The following ATF6 variants were observed in gnomAD, a reference collection of about 807,000 sequenced individuals.
ATF6 encodes cyclic AMP-dependent transcription factor ATF-6 alpha.
In ATF6, 53 loss-of-function variants were observed where a neutral mutation model predicts 83.6. The observed-to-expected ratio is 0.63, with a 90% CI of 0.51 to 0.80. ATF6 has a LOEUF of 0.80. Among genes scored for constraint, ATF6 ranks in the 30% least tolerant of loss-of-function variants. The probability of loss-of-function intolerance (pLI) is 0.00; values close to 1 mark genes in which losing one functional copy is unlikely to be tolerated. For missense variants in ATF6, 744 were observed against 797.9 expected, an observed-to-expected ratio of 0.93 and a Z score of 0.81; for synonymous variants, 288 against 285.8, an observed-to-expected ratio of 1.01 and a Z score of -0.08.
In ATF6 at chr1:161,792,322, C is replaced by T; in HGVS notation, c.683C>T (p.Thr228Ile). ...QPIISLQPAP[T>I]KGQTVLLSQP... is the part of the protein sequence containing the mutation. Reference sequence around the variant, plus strand: ...ATTATCAGTTTACAACCTGCACCCACTAAAGGTACCTGAGCAGAATTTAAG... The same window carrying T: ...ATTATCAGTTTACAACCTGCACCCATTAAAGGTACCTGAGCAGAATTTAAG... Residue 228 changes from threonine to isoleucine, a missense_variant, in exon 6 of 16, where the codon ACT becomes ATT. By Grantham distance (89) the Thr-to-Ile change is moderately conservative. Transcript: ENST00000367942. 6.2e-7 allele frequency: 1 copy of T among 1,613,338 alleles called. No homozygotes were observed. Among genetic ancestry groups the T allele is most frequent in the Non-Finnish European group, 8.5e-7 (1 of 1,179,754 alleles).
At chr1:161,870,213 T>C (rs1163544486) in intron 14 of ATF6, among the ~76,000 whole-genome samples, 1 of 151,826 alleles carries the variant, frequency 6.6e-6, no homozygotes, top group African/African-American at 2.4e-5. Flanking sequence ...TACCTGATTA[T>C]GTTTGTTTGT....
chr1:161,904,896 G>A (rs994041506), intron 14 of ATF6, among the ~76,000 whole-genome samples: 1 of 152,184 alleles, frequency 6.6e-6, no homozygotes, highest in African/African-American at 2.4e-5. Flanking sequence ...TTTGTTCACT[G>A]ATGTACATAA....
At chr1:161,830,184 A>C (rs1446286442) in intron 9 of ATF6, among the ~76,000 whole-genome samples, 3 of 152,220 alleles carry the variant, frequency 2.0e-5, no homozygotes, top group Non-Finnish European at 4.4e-5. Context: ...ATCATGAGTG[A>C]ACTCCCATTC....
At chr1:161,930,425 A>C (rs567999381) in intron 15 of ATF6, among the ~76,000 whole-genome samples, 1 of 152,204 alleles carries the variant, frequency 6.6e-6, no homozygotes, top group African/African-American at 2.4e-5. Context: ...TTAAGCTACA[A>C]TATATTTTAA....
In ATF6 at chr1:161,802,242, A is replaced by G. The variant is rs773297045; in HGVS notation, c.879A>G (p.Leu293=). 1.2e-6 allele frequency: 2 copies of G among 1,614,054 alleles called. No homozygotes were observed. The highest frequency in any genetic ancestry group is 1.7e-6 in the Non-Finnish European group (2 of 1,179,960). The change falls in exon 7 of 16, where the codon CTA becomes CTG. Residue 293 remains leucine (L), a synonymous_variant. Transcript: ENST00000367942. ...AACTTTCCGTGACTAAACCTGTCCTACAAAGTACCATGAGAAATGTCGGTT... is the reference window on the plus strand; with the variant it reads ...AACTTTCCGTGACTAAACCTGTCCTGCAAAGTACCATGAGAAATGTCGGTT... ...NGKLSVTKPV[L]QSTMRNVGSD...
At chr1:161,910,834 A>T (rs1309651413) in intron 14 of ATF6, among the ~76,000 whole-genome samples, 1 of 152,170 alleles carries the variant, frequency 6.6e-6, no homozygotes, top group African/African-American at 2.4e-5. Context: ...AAAAAACAAA[A>T]CAAAAAATTC....
At chr1:161,816,955 T>A (rs1685627937) in intron 7 of ATF6, among the ~76,000 whole-genome samples, 1 of 152,248 alleles carries the variant, frequency 6.6e-6, no homozygotes, top group African/African-American at 2.4e-5. Flanking sequence ...AGCCCTGTGT[T>A]TGGTGATAGC....
At chr1:161,821,006 T>C in intron 8 of ATF6, 64 bp from the exon 9 acceptor site, 1 of 1,161,896 alleles carries the variant, frequency 8.6e-7, no homozygotes, top group Non-Finnish European at 1.2e-6. Flanking sequence ...ATTCTAATCT[T>C]AAGCGTTGCT....
Position 161,814,103 on chromosome 1 carries a change from C to T in ATF6, c.910-5530C>T, listed in dbSNP as rs140786599. Among the ~76,000 whole-genome samples, 354 of 152,228 alleles carry T rather than the reference C, an allele frequency of 2.3e-3. 3 individuals carry two copies. Among genetic ancestry groups the T allele is most frequent in the African/African-American group, 8.3e-3 (346 of 41,544 alleles). ...GTTTTTTCCATGTTGAGGCTGGTCTCGAACTCCTGACCTCAGGTGATCCGC... is the reference window on the plus strand; with the variant it reads ...GTTTTTTCCATGTTGAGGCTGGTCTTGAACTCCTGACCTCAGGTGATCCGC... On this transcript the variant is annotated intron_variant, in intron 7 of 15. Transcript: ENST00000367942.
At chr1:161,930,234 C>T (rs187702526) in intron 15 of ATF6, among the ~76,000 whole-genome samples, 13 of 152,302 alleles carry the variant, frequency 8.5e-5, no homozygotes, top group Admixed American at 2.6e-4. Flanking sequence ...AAATCTCCAC[C>T]TCCCACTTAG....
At chr1:161,818,050 G>A (rs1011200924) in intron 7 of ATF6, among the ~76,000 whole-genome samples, 3 of 146,530 alleles carry the variant, frequency 2.0e-5, no homozygotes, top group East Asian at 2.0e-4. Flanking sequence ...GCAGCGGGCC[G>A]AGATCTCCCC....
intron 14 of ATF6, among the ~76,000 whole-genome samples, chr1:161,869,913 T>C (rs1687086000): frequency 6.6e-6 from 1 of 151,772 alleles, no homozygotes; most frequent in African/African-American, 2.4e-5. Flanking sequence ...TTAGTCCTAT[T>C]TTATGGCTGA....
chr1:161,877,993 T>A (rs1460154128), intron 14 of ATF6, among the ~76,000 whole-genome samples: 1 of 152,160 alleles, frequency 6.6e-6, no homozygotes, highest in African/African-American at 2.4e-5. Context: ...TTTGGATACA[T>A]TTAAATTTGA....
chr1:161,806,647 G>A (rs1356123996), intron 7 of ATF6, among the ~76,000 whole-genome samples: 1 of 152,070 alleles, frequency 6.6e-6, no homozygotes, highest in South Asian at 2.1e-4. Context: ...TCCAAACTCT[G>A]TATCACCTTT....
chr1:161,871,816 T>C (rs1460968613), intron 14 of ATF6, among the ~76,000 whole-genome samples: 2 of 151,164 alleles, frequency 1.3e-5, no homozygotes, highest in Non-Finnish European at 3.0e-5. Context: ...TTTTTCCTTC[T>C]GGCTCCAGAA....
At chr1:161,804,718 G>A (rs1685237431) in intron 7 of ATF6, among the ~76,000 whole-genome samples, 1 of 149,716 alleles carries the variant, frequency 6.7e-6, no homozygotes, top group South Asian at 2.2e-4. Flanking sequence ...TCTGAATAAT[G>A]AGCATCTTAA....
intron 15 of ATF6, among the ~76,000 whole-genome samples, chr1:161,919,025 AGGATAT>A: frequency 6.6e-6 from 1 of 152,216 alleles, no homozygotes; most frequent in East Asian, 1.9e-4. Flanking sequence ...TAAAGAGAGT[AGGATAT>A]GGGTGTGAAA....
intron 7 of ATF6, among the ~76,000 whole-genome samples, chr1:161,812,948 C>G (rs61802505): frequency 8.7e-4 from 132 of 152,070 alleles, no homozygotes; most frequent in Non-Finnish European, 1.6e-3. Flanking sequence ...TCAAGCCTAG[C>G]TCAATTATAA....
chr1:161,806,140 A>G (rs1685275068), intron 7 of ATF6, among the ~76,000 whole-genome samples: 1 of 152,162 alleles, frequency 6.6e-6, no homozygotes, highest in South Asian at 2.1e-4. Context: ...AATGAACATG[A>G]TCTCTCATTT....
Sources: allele counts gnomAD v4.1 joint callset (sites outside exome capture counted in the v4.1 genomes callset), GRCh38; gene constraint gnomAD v4.1.1; transcripts MANE v1.5; gene names NCBI Gene and HGNC (gene_info 2026-07-23, HGNC 2026-07-21).